PDCL2: variants seen among roughly 807,000 people sequenced by gnomAD.
PDCL2 encodes phosducin like 2, also known as phosducin-like protein 2.
A neutral mutation model predicts 30.3 loss-of-function variants in PDCL2; 23 were observed. That is an observed-to-expected ratio of 0.76 (90% CI 0.55 to 1.08). The LOEUF (loss-of-function observed/expected upper bound fraction) is 1.08, where lower values mean the gene tolerates loss of function less well. PDCL2 is among the 50% of genes least tolerant of loss of function. The pLI, the probability that PDCL2 is intolerant of heterozygous loss-of-function variation, is 0.00. For synonymous variants in PDCL2, 68 were observed against 86.2 expected (o/e 0.79, Z 1.17); for missense variants, 243 against 282.3 (o/e 0.86, Z 1.00).
At chr4:55,585,683 G>A (rs1732844248) in intron 1 of PDCL2, among the ~76,000 whole-genome samples, 2 of 152,144 alleles carry the variant, frequency 1.3e-5, no homozygotes, top group Admixed American at 6.5e-5. Context: ...CGGACTTTTC[G>A]TTGATGGGAG....
At chr4:55,562,922 A>AC (rs1195945318) in intron 4 of PDCL2, among the ~76,000 whole-genome samples, 11 of 126,700 alleles carry the variant, frequency 8.7e-5, no homozygotes, top group South Asian at 2.2e-4. Flanking sequence ...GAAAAAAAAA[A>AC]AAAAAACAGG....
At chr4:55,559,207 A>G (rs1240112472) in intron 5 of PDCL2, among the ~76,000 whole-genome samples, 1 of 152,224 alleles carries the variant, frequency 6.6e-6, no homozygotes, top group Non-Finnish European at 1.5e-5. Flanking sequence ...AGAGCAATCT[A>G]TCAACTATCA....
At chr4:55,576,388 T>C (rs1301552755) in intron 3 of PDCL2, among the ~76,000 whole-genome samples, 1 of 152,246 alleles carries the variant, frequency 6.6e-6, no homozygotes, top group Non-Finnish European at 1.5e-5. Flanking sequence ...CCATCATGCC[T>C]GGCCTAGAGT....
chr4:55,557,882 G>T (rs1732013151), intron 5 of PDCL2, among the ~76,000 whole-genome samples: 1 of 150,826 alleles, frequency 6.6e-6, no homozygotes, highest in Non-Finnish European at 1.5e-5. Flanking sequence ...GAGGAGGGCG[G>T]ATCACCTGAG....
At chr4:55,580,260 T>A (rs1167435968) in intron 3 of PDCL2, among the ~76,000 whole-genome samples, 1 of 152,204 alleles carries the variant, frequency 6.6e-6, no homozygotes, top group East Asian at 1.9e-4. Flanking sequence ...TCCTTAAAGA[T>A]TTTGTGTTTA....
At chr4:55,590,902 T>C (rs1256114972) in intron 1 of PDCL2, among the ~76,000 whole-genome samples, 3 of 152,184 alleles carry the variant, frequency 2.0e-5, no homozygotes, top group Non-Finnish European at 4.4e-5. Flanking sequence ...GTTCCCTCAT[T>C]AGTAAGCTCT....
intron 5 of PDCL2, among the ~76,000 whole-genome samples, chr4:55,557,009 A>AT (rs1037257018): frequency 6.6e-5 from 10 of 151,772 alleles, no homozygotes; most frequent in Non-Finnish European, 1.5e-4. Flanking sequence ...AAGTTTTGTT[A>AT]TTTTTTTAAG....
At chr4:55,582,721 A>AG (rs377365156) in intron 1 of PDCL2, among the ~76,000 whole-genome samples, 1,951 of 151,724 alleles carry the variant, frequency 0.013, 42 homozygotes, top group African/African-American at 0.045. Context: ...CTCGTCATTT[A>AG]CATTAGGTAT....
chr4:55,587,164 G>T (rs994501458), intron 1 of PDCL2, among the ~76,000 whole-genome samples: 3 of 134,438 alleles, frequency 2.2e-5, no homozygotes, highest in Admixed American at 1.7e-4. Context: ...TGAACACTGT[G>T]TCTTCCAGAG....
At chr4:55,589,368 A>G (rs112562967) in intron 1 of PDCL2, among the ~76,000 whole-genome samples, 2,374 of 152,050 alleles carry the variant, frequency 0.016, 20 homozygotes, top group Middle Eastern at 0.054. Flanking sequence ...GAGGATTTAT[A>G]TTTTTTTTCT....
chr4:55,557,669 C>T (rs1732005262), intron 5 of PDCL2, among the ~76,000 whole-genome samples: 1 of 152,004 alleles, frequency 6.6e-6, no homozygotes, highest in Admixed American at 6.6e-5. Flanking sequence ...AAAAGACATA[C>T]ATTCTATCCC....
At chr4:55,574,339 G>A (rs1394122362) in intron 3 of PDCL2, among the ~76,000 whole-genome samples, 1 of 152,090 alleles carries the variant, frequency 6.6e-6, no homozygotes, top group East Asian at 1.9e-4. Context: ...GACTACATTT[G>A]CCAGCTTGCC....
chr4:55,584,086 A>T (rs576266461), intron 1 of PDCL2, among the ~76,000 whole-genome samples: 5 of 151,994 alleles, frequency 3.3e-5, no homozygotes, highest in African/African-American at 1.2e-4. Flanking sequence ...TCTTTCATCA[A>T]CGTTTTATCA....
rs369507666 is a variant in PDCL2, at chr4:55,562,613, C to A, written c.363-1G>T. The A allele has an allele frequency of 4.5e-5, 71 of 1,565,588 alleles. No homozygotes were observed. Among genetic ancestry groups the A allele is most frequent in the Non-Finnish European group, 5.7e-5 (66 of 1,156,310 alleles). Reference sequence around the variant, plus strand: ...GTTAACCAACAAACACATTGGGATGCTAAAAAGAGAAACAGTACACACAAT... The same window carrying A: ...GTTAACCAACAAACACATTGGGATGATAAAAAGAGAAACAGTACACACAAT... On this transcript the variant is annotated splice_acceptor_variant, in intron 4 of 5. Transcript: ENST00000295645. LOFTEE classifies it high-confidence loss of function.
At chr4:55,591,283 T>C (rs1732992244) in intron 1 of PDCL2, among the ~76,000 whole-genome samples, 1 of 151,302 alleles carries the variant, frequency 6.6e-6, no homozygotes, top group Admixed American at 6.6e-5. Flanking sequence ...AAGACAATTT[T>C]ACTGTACCAA....
intron 3 of PDCL2, among the ~76,000 whole-genome samples, chr4:55,573,937 A>T (rs1448603281): frequency 6.7e-6 from 1 of 150,346 alleles, no homozygotes; most frequent in Non-Finnish European, 1.5e-5. Flanking sequence ...CTCTGTCACC[A>T]GGCTGGAGTG....
chr4:55,577,289 A>T (rs1050302411), intron 3 of PDCL2, among the ~76,000 whole-genome samples: 8 of 152,192 alleles, frequency 5.3e-5, no homozygotes, highest in Non-Finnish European at 1.0e-4. Flanking sequence ...TCTTAATGCC[A>T]TCACATTGGG....
chr4:55,583,161 G>GA (rs1732772136), intron 1 of PDCL2, among the ~76,000 whole-genome samples: 1 of 151,986 alleles, frequency 6.6e-6, no homozygotes, highest in Non-Finnish European at 1.5e-5. Context: ...TTTTTACAGG[G>GA]TTTCCCCATG....
At chr4:55,578,590 G>GTT (rs796948948) in intron 3 of PDCL2, among the ~76,000 whole-genome samples, 4 of 145,218 alleles carry the variant, frequency 2.8e-5, no homozygotes, top group African/African-American at 7.5e-5. Flanking sequence ...TCATCAGTGG[G>GTT]TTTTTTTTTT....
Sources: allele counts gnomAD v4.1 joint callset (sites outside exome capture counted in the v4.1 genomes callset), GRCh38; gene constraint gnomAD v4.1.1; transcripts MANE v1.5; gene names NCBI Gene and HGNC (gene_info 2026-07-23, HGNC 2026-07-21).